The following NRXN2 variants were observed in gnomAD, a reference collection of about 807,000 sequenced individuals.
NRXN2 encodes the protein neurexin-2-beta.
NRXN2 carries 29 observed loss-of-function variants against 128.8 expected under a neutral mutation model. The observed-to-expected ratio is 0.23, with a 90% confidence interval of 0.17 to 0.31. The LOEUF (loss-of-function observed/expected upper bound fraction) is 0.31, where lower values mean the gene tolerates loss of function less well. NRXN2 is among the 10% of genes least tolerant of loss of function. The pLI is 1.00. For missense variants in NRXN2, 1,881 were observed against 2,452.6 expected (o/e 0.77, Z 4.92); for synonymous variants, 1,098 against 1,075.2 (o/e 1.02, Z -0.41).
Position 64,713,672 on chromosome 11 carries a change from T to C in NRXN2, c.28A>G (p.Thr10Ala). The change falls in exon 2 of 23, where the codon ACA (threonine) becomes GCA (alanine). Residue 10 changes from threonine (T) to alanine (A), a missense_variant. By Grantham distance (58) the Thr-to-Ala change is moderately conservative (BLOSUM62 0). Around this residue, in one of 7 missense-constraint regions of NRXN2, gnomAD observed 997 missense variants for 1,240.8 expected, o/e 0.80. Coordinates refer to ENST00000265459, the MANE Select transcript of NRXN2 (RefSeq NM_015080.4). MASGSRWRP[T>A]PPPLLLLLLL... Reference sequence around the variant, plus strand: ...AGCAGCAACAGCAGCGGCGGCGGTGTCGGCCGCCACCGGCTCCCGGACGCC... The same window carrying C: ...AGCAGCAACAGCAGCGGCGGCGGTGCCGGCCGCCACCGGCTCCCGGACGCC... The C allele has an allele frequency of 8.6e-7, 1 of 1,167,356 alleles. No homozygotes were observed. Among genetic ancestry groups the C allele is most frequent in the Non-Finnish European group, 1.1e-6 (1 of 947,910 alleles). The allele number at this position is 1,167,356 out of a possible 1,614,324, so 72.3% of individuals were successfully genotyped here.
Position 64,607,935 on chromosome 11 carries a change from G to A in NRXN2, c.4400C>T (p.Ala1467Val), listed in dbSNP as rs1206775365. ...GCCCCCAGAGGGCGGGCGGCGCGCG[G>A]CGGGCGGGGGCAGCGTGTCTTGGGT... ...GATQDTLPPP[A>V]ARRPPSGGPC... Residue 1467 changes from alanine to valine, a missense_variant, in exon 23 of 23, where the codon GCC becomes GTC. Coordinates refer to ENST00000265459, the MANE Select transcript of NRXN2 (RefSeq NM_015080.4). The A allele has an allele frequency of 6.5e-7, 1 of 1,546,500 alleles. No homozygotes were observed. Among genetic ancestry groups the A allele is most frequent in the East Asian group, 2.4e-5 (1 of 41,356 alleles).
intron 19 of NRXN2, among the ~76,000 whole-genome samples, chr11:64,628,160 G>A (rs547947141): frequency 6.6e-6 from 1 of 152,342 alleles, no homozygotes; most frequent in Non-Finnish European, 1.5e-5. Flanking sequence ...GAGCACCTTT[G>A]CTATGCCATG....
In NRXN2 at chr11:64,607,895, C is replaced by T. The variant is rs1482455110; in HGVS notation, c.4440G>A (p.Glu1480=). 2.5e-6 allele frequency: 4 copies of T among 1,572,016 alleles called. No homozygotes were observed. Among genetic ancestry groups the T allele is most frequent in the Non-Finnish European group, 3.4e-6 (4 of 1,159,782 alleles). ...GCTCCTCGCAGTCGCTGTCGTCCCG[C>T]TCGGCCTGGCACGGGCCCCCAGAGG... ...RPPSGGPCQA[E]RDDSDCEEPI... is the part of the protein sequence containing the mutation. The change falls in exon 23 of 23, where the codon GAG becomes GAA. Residue 1480 remains glutamate (E), a synonymous_variant. Coordinates refer to ENST00000265459, the MANE Select transcript of NRXN2 (RefSeq NM_015080.4).
rs747820524 is a variant in NRXN2 at position 64,660,716 on chromosome 11, AG to A, written c.2185+36del. 1 of 1,605,638 alleles carries A rather than the reference AG, an allele frequency of 6.2e-7. No homozygotes were observed. Among genetic ancestry groups the A allele is most frequent in the African/African-American group, 1.3e-5 (1 of 75,022 alleles). On this transcript the variant is annotated intron_variant, in intron 10 of 22. Transcript: ENST00000265459. This position sits in a 1 kb window ranked among gnomAD's most constrained non-coding sequence, Gnocchi z 5.2. ...CCCTGAGAAGGAGGAGCACAGGGAT[AG>A]GGAGCAGGGACACCTAGGATGAAGA...
At chr11:64,712,822 C>G in intron 2 of NRXN2, 148 bp downstream of exon 2, 2 of 802,970 alleles carry the variant, frequency 2.5e-6, no homozygotes, top group South Asian at 3.0e-5. Flanking sequence ...ACACGCGTCC[C>G]CGCAGCCCTG....
At chr11:64,704,598 TCACACACACA>T (rs1200286244) in intron 2 of NRXN2, among the ~76,000 whole-genome samples, 2 of 99,534 alleles carry the variant, frequency 2.0e-5, no homozygotes, top group African/African-American at 8.6e-5. Flanking sequence ...ATTTCCAGGT[TCACACACACA>T]CACACACACA....
rs2040015162 is a variant in NRXN2, at chr11:64,608,202, G to A, written c.4253-120C>T. ...CAAATCGGTTCCAATTGGCTTTGGC[G>A]GAGACTAGAGCGGGCTGGGCCCGCC... On this transcript the variant is annotated intron_variant, in intron 22 of 22. Coordinates refer to ENST00000265459, the MANE Select transcript of NRXN2 (RefSeq NM_015080.4). 3 of 802,902 alleles carry A rather than the reference G, an allele frequency of 3.7e-6. No homozygotes were observed. The South Asian group carries it at 4.7e-5, about 13-fold the overall frequency. The allele number at this position is 802,902 out of a possible 1,614,324, so 49.7% of individuals were successfully genotyped here. A position where few individuals can be genotyped will look rare whatever the true frequency, so the allele number is the denominator to read the frequency against.
intron 11 of NRXN2, among the ~76,000 whole-genome samples, chr11:64,659,206 G>A (rs1173650474): frequency 6.6e-6 from 1 of 152,206 alleles, no homozygotes; most frequent in Non-Finnish European, 1.5e-5. Context: ...GAAATGGACA[G>A]ATTTGACCTC....
intron 7 of NRXN2, among the ~76,000 whole-genome samples, chr11:64,673,147 T>G (rs2050844027): frequency 6.6e-6 from 1 of 152,204 alleles, no homozygotes; most frequent in Non-Finnish European, 1.5e-5. Flanking sequence ...ATCTGTTAAC[T>G]GGAAACAATC....
intron 1 of NRXN2, among the ~76,000 whole-genome samples, chr11:64,716,454 C>A (rs1388202109): frequency 3.9e-5 from 6 of 152,116 alleles, no homozygotes. Flanking sequence ...ACGCCTGGGT[C>A]CTGAGAGCCA....
In NRXN2 at chr11:64,626,459, T is replaced by A. The variant is rs1241745773; in HGVS notation, c.3847+4A>T. On this transcript the variant is annotated splice_donor_region_variant and intron_variant, in intron 20 of 22. Coordinates refer to ENST00000265459, the MANE Select transcript of NRXN2 (RefSeq NM_015080.4). Reference sequence around the variant, plus strand: ...TAATTAATTAATTAATTCTGGTTAATTACCTTTGTCGAGCAGCCACTCATC... The same window carrying A: ...TAATTAATTAATTAATTCTGGTTAAATACCTTTGTCGAGCAGCCACTCATC... The A allele has an allele frequency of 6.2e-7, 1 of 1,602,900 alleles. No individual in the cohort carries two copies. Among genetic ancestry groups the A allele is most frequent in the Non-Finnish European group, 8.5e-7 (1 of 1,169,764 alleles).
At chr11:64,642,451 T>G (rs935924139) in intron 17 of NRXN2, 3 of 1,476,542 alleles carry the variant, frequency 2.0e-6, no homozygotes, top group Non-Finnish European at 1.8e-6. Context: ...ACAGCTGGGG[T>G]GGGGCCCGCG....
Position 64,690,454 on chromosome 11 carries a change from C to G in NRXN2, c.801G>C (p.Glu267Asp), listed in dbSNP as rs754240562. 12 of 1,613,592 alleles carry G rather than the reference C, an allele frequency of 7.4e-6. No homozygotes were observed. Among genetic ancestry groups the G allele is most frequent in the South Asian group, 3.3e-5 (3 of 90,944 alleles). Residue 267 changes from glutamate (E) to aspartate (D), a missense_variant, in exon 5 of 23, where the codon GAG becomes GAC. Coordinates refer to ENST00000265459, the MANE Select transcript of NRXN2 (RefSeq NM_015080.4). Reference protein sequence around the residue: ...NSEVGSLLFSEGGAGRGGAGD... With the variant: ...NSEVGSLLFSDGGAGRGGAGD... ...CGGCTCCTCCTCTCCCGGCCCCCCC[C>G]TCGGAGAACAGTAAGGACCCTACTG...
At chr11:64,611,497 G>T (rs1209277720) in intron 22 of NRXN2, among the ~76,000 whole-genome samples, 1 of 152,214 alleles carries the variant, frequency 6.6e-6, no homozygotes, top group African/African-American at 2.4e-5. Context: ...CCTTGCTGAG[G>T]CCACATCCTG....
intron 9 of NRXN2, among the ~76,000 whole-genome samples, chr11:64,666,293 C>T (rs951868942): frequency 6.6e-6 from 1 of 151,626 alleles, no homozygotes; most frequent in African/African-American, 2.4e-5. Context: ...CCTCTGCCTC[C>T]TGGGTTCAAG....
At chr11:64,625,026 AG>A (rs1349014627) in intron 20 of NRXN2, among the ~76,000 whole-genome samples, 1 of 152,224 alleles carries the variant, frequency 6.6e-6, no homozygotes, top group East Asian at 1.9e-4. Flanking sequence ...TACTTGGCTA[AG>A]GCCACAGAAA....
Position 64,702,813 on chromosome 11 carries a change from GA to G in NRXN2, c.731-5022del, listed in dbSNP as rs1193820004. On this transcript the variant is annotated intron_variant, in intron 2 of 22. Coordinates refer to ENST00000265459, the MANE Select transcript of NRXN2 (RefSeq NM_015080.4). ...AATGATCAATAAAAAAAAAAAATTA[GA>G]AAAAAAAAAAAAGAAAAATAAATAA... 3.7e-3 allele frequency among the ~76,000 whole-genome samples: 456 copies of G among 123,478 alleles called. 5 individuals carry two copies. The highest frequency in any genetic ancestry group is 0.026 in the East Asian group (115 of 4,420). 81.0% of individuals were successfully genotyped at this position (123,478 alleles called of 152,430 possible). A position where few individuals can be genotyped will look rare whatever the true frequency, so the allele number is the denominator to read the frequency against.
intron 11 of NRXN2, among the ~76,000 whole-genome samples, chr11:64,658,050 G>T (rs530088952): frequency 3.3e-4 from 50 of 152,302 alleles, no homozygotes; most frequent in Middle Eastern, 3.4e-3. Flanking sequence ...TGGGTCCCAA[G>T]GGCCCACAGG....
Position 64,607,685 on chromosome 11 carries a change from C to A in NRXN2, c.4650G>T (p.Leu1550=). Residue 1550 remains leucine, a synonymous_variant, in exon 23 of 23, where the codon CTG becomes CTT. Coordinates refer to ENST00000265459, the MANE Select transcript of NRXN2 (RefSeq NM_015080.4). ...TGGGGGCCGGGGCGGAGGGGGCAAA[C>A]AGCACCCCAGGGGCGCCCGTGGCCC... is the stretch of plus-strand genomic sequence containing the variant. ...TDGATGAPGV[L]FAPSAPAPNL... 6.5e-7 allele frequency: 1 copy of A among 1,535,362 alleles called. No individual in the cohort carries two copies.
Sources: gnomAD v4.1 joint callset for allele counts (sites outside exome capture counted in the v4.1 genomes callset) on GRCh38, gnomAD v4.1.1 for gene constraint, gnomAD v4.1.1 regional missense constraint, Gnocchi (gnomAD v3.1) non-coding constraint, MANE v1.5 for transcripts, NCBI Gene and HGNC (gene_info 2026-07-23, HGNC 2026-07-21) for gene names.